The following RUFY1 variants were observed in gnomAD, a reference collection of about 807,000 sequenced individuals.
RUFY1 encodes RUN and FYVE domain-containing protein 1.
In RUFY1, 54 loss-of-function variants were observed where a neutral mutation model predicts 94.6. The observed-to-expected ratio is 0.57, with a 90% CI of 0.46 to 0.72. The LOEUF (loss-of-function observed/expected upper bound fraction) is 0.72. RUFY1 is among the 30% of genes least tolerant of loss of function. RUFY1 has a pLI of 0.00. For synonymous variants in RUFY1, 396 were observed against 347.3 expected (o/e 1.14, Z -1.56); for missense variants, 883 against 883.9 (o/e 1.00, Z 0.01).
chr5:179,608,613 A>G (rs1767358521), intron 17 of RUFY1: 3 of 985,494 alleles, frequency 3.0e-6, no homozygotes, highest in African/African-American at 3.5e-5. Flanking sequence ...GAAGTACAGC[A>G]AAAGTAAACT....
intron 4 of RUFY1, 95 bp downstream of exon 4, chr5:179,567,657 G>C (rs1428810370): frequency 2.5e-6 from 2 of 804,318 alleles, no homozygotes; most frequent in Non-Finnish European, 2.0e-6. Context: ...CCAGCACTTT[G>C]GGAGGCCAAG....
chr5:179,568,945 A>G, intron 4 of RUFY1: 1 of 727,338 alleles, frequency 1.4e-6, no homozygotes. Flanking sequence ...TCCTGTTTAT[A>G]TCAGCATAAG....
At chr5:179,609,300 TG>T in intron 17 of RUFY1, 75 bp from the exon 18 acceptor site, 1 of 1,493,612 alleles carries the variant, frequency 6.7e-7, no homozygotes, top group Non-Finnish European at 9.2e-7. Context: ...GATGCGCTTC[TG>T]GGTCAGGAAG....
intron 9 of RUFY1, among the ~76,000 whole-genome samples, chr5:179,590,064 C>T (rs1764922734): frequency 6.6e-6 from 1 of 152,068 alleles, no homozygotes; most frequent in Admixed American, 6.6e-5. Context: ...GGATAGAAAC[C>T]ATATCTGGGC....
Position 179,585,851 on chromosome 5 carries a change from A to C in RUFY1, c.1012A>C (p.Lys338Gln). 1 of 1,613,078 alleles carries C rather than the reference A, an allele frequency of 6.2e-7. No homozygotes were observed. The highest frequency in any genetic ancestry group is 1.7e-5 in the Admixed American group (1 of 60,022). The change falls in exon 8 of 18, where the codon AAG (lysine) becomes CAG (glutamine). Residue 338 changes from lysine (K) to glutamine (Q), a missense_variant. Coordinates refer to ENST00000319449, the MANE Select transcript of RUFY1 (RefSeq NM_025158.5). ...AGATGGCTTGGAAAAGACTAACTCAAAGCTTCAAGAAGAGGTTTGTAAGTT... is the reference window on the plus strand; with the variant it reads ...AGATGGCTTGGAAAAGACTAACTCACAGCTTCAAGAAGAGGTTTGTAAGTT... The part of the protein sequence containing the change: ...KIDGLEKTNS[K>Q]LQEELSAATD...
chr5:179,557,907 C>T (rs1209199671), intron 1 of RUFY1, among the ~76,000 whole-genome samples: 3 of 151,998 alleles, frequency 2.0e-5, no homozygotes. Flanking sequence ...TGTATGGAAC[C>T]TAGGGCACCC....
intron 3 of RUFY1, chr5:179,562,895 T>C (rs1023895203): frequency 2.4e-6 from 1 of 420,790 alleles, no homozygotes; most frequent in African/African-American, 2.0e-5. Flanking sequence ...GAAAAGGTGT[T>C]GTCAACCAAA....
chr5:179,560,112 G>T lies in RUFY1; in HGVS notation c.398G>T (p.Ser133Ile). 6.2e-7 allele frequency: 1 copy of T among 1,614,034 alleles called. No homozygotes were observed. Among genetic ancestry groups the T allele is most frequent in the Non-Finnish European group, 8.5e-7 (1 of 1,180,006 alleles). Residue 133 changes from serine to isoleucine, a missense_variant, in exon 2 of 18, where the codon AGC becomes ATC. Transcript: ENST00000319449. ...SIKVLLQSAL[S>I]LGRSLDADHA... Reference sequence around the variant, plus strand: ...AAGGTGTTGCTCCAGTCGGCTCTGAGCCTGGGCCGCAGCCTGGATGCGGAC... The same window carrying T: ...AAGGTGTTGCTCCAGTCGGCTCTGATCCTGGGCCGCAGCCTGGATGCGGAC...
intron 12 of RUFY1, 122 bp downstream of exon 12, chr5:179,595,085 G>C: frequency 1.5e-6 from 1 of 678,216 alleles, no homozygotes; most frequent in Non-Finnish European, 2.5e-6. Flanking sequence ...GCTCACGCCT[G>C]TAATCCCAAC....
chr5:179,571,803 A>G (rs1418841901), intron 5 of RUFY1, among the ~76,000 whole-genome samples: 1 of 151,064 alleles, frequency 6.6e-6, no homozygotes, highest in Non-Finnish European at 1.5e-5. Context: ...TTTATTTGCC[A>G]TTGGTGGTTC....
At chr5:179,551,703 C>T (rs1291395390) in intron 1 of RUFY1, among the ~76,000 whole-genome samples, 5 of 139,420 alleles carry the variant, frequency 3.6e-5, no homozygotes, top group Non-Finnish European at 6.1e-5. Flanking sequence ...TTAGTAGAAA[C>T]GGGGTTTCAC....
At chr5:179,585,953 T>C (rs1764575850) in intron 8 of RUFY1, 88 bp downstream of exon 8, 2 of 1,046,364 alleles carry the variant, frequency 1.9e-6, no homozygotes, top group Non-Finnish European at 3.0e-6. Flanking sequence ...TAGCAGAGCT[T>C]CCTGCTGGTA....
chr5:179,596,342 C>G lies in RUFY1; in HGVS notation c.1512-220C>G, dbSNP rs1284910647. The G allele has an allele frequency of 2.6e-5, 17 of 647,196 alleles. No homozygotes were observed. In the East Asian group the frequency reaches 4.4e-4, roughly 17 times the overall value. The allele number at this position is 647,196 out of a possible 1,614,324, so 40.1% of individuals were successfully genotyped here. The stretch of plus-strand genomic sequence containing the variant: ...TCAAAAAGCCAAAGCCATATTGTTG[C>G]AGGACAGATGAGTGGTTGCCAGGGG... On this transcript the variant is annotated intron_variant, in intron 12 of 17. Coordinates refer to ENST00000319449, the MANE Select transcript of RUFY1 (RefSeq NM_025158.5).
chr5:179,608,544 A>C, intron 17 of RUFY1: 1 of 983,776 alleles, frequency 1.0e-6, no homozygotes, highest in Non-Finnish European at 1.2e-6. Flanking sequence ...GGAATGCAGC[A>C]AAGAGAACGA....
At chr5:179,567,630 G>C (rs1762926664) in intron 4 of RUFY1, 68 bp downstream of exon 4, 1 of 1,125,084 alleles carries the variant, frequency 8.9e-7, no homozygotes, top group African/African-American at 1.5e-5. Flanking sequence ...TGGGTGCGGT[G>C]GCTCACACCT....
At chr5:179,593,792 C>A (rs1765302724) in intron 11 of RUFY1, 147 bp downstream of exon 11, 11 of 1,297,472 alleles carry the variant, frequency 8.5e-6, no homozygotes, top group Admixed American at 2.9e-5. Flanking sequence ...GATTTTGATC[C>A]TCATGGCAGT....
intron 3 of RUFY1, among the ~76,000 whole-genome samples, chr5:179,566,388 T>G (rs1488929009): frequency 1.3e-5 from 2 of 152,076 alleles, no homozygotes; most frequent in Non-Finnish European, 2.9e-5. Flanking sequence ...GTGGATTACT[T>G]GAGGTCAAGA....
intron 3 of RUFY1, among the ~76,000 whole-genome samples, chr5:179,565,050 C>T (rs893501878): frequency 3.3e-5 from 5 of 150,922 alleles, no homozygotes; most frequent in African/African-American, 1.2e-4. Flanking sequence ...TGTGTAGAAA[C>T]ATGTTTCGGA....
chr5:179,573,747 C>T (rs1227735672), intron 5 of RUFY1, among the ~76,000 whole-genome samples: 1 of 152,130 alleles, frequency 6.6e-6, no homozygotes, highest in Non-Finnish European at 1.5e-5. Flanking sequence ...TGGTCTTGAA[C>T]TCCTGACATC....
Sources: allele counts gnomAD v4.1 joint callset (sites outside exome capture counted in the v4.1 genomes callset), GRCh38; gene constraint gnomAD v4.1.1; transcripts MANE v1.5; gene names NCBI Gene and HGNC (gene_info 2026-07-23, HGNC 2026-07-21).